ADGRE1: variants seen among roughly 807,000 people sequenced by gnomAD.
ADGRE1 encodes EGF-like module receptor 1.
Under a neutral mutation model 102.7 loss-of-function variants are expected in ADGRE1, and 82 were observed. That is an observed-to-expected ratio of 0.80 (90% CI 0.67 to 0.96). The LOEUF (loss-of-function observed/expected upper bound fraction) is 0.96, where lower values mean the gene tolerates loss of function less well. ADGRE1 is among the 40% of genes least tolerant of loss of function. The pLI, the probability that ADGRE1 is intolerant of heterozygous loss-of-function variation, is 0.00. For missense variants in ADGRE1, 1,032 were observed against 1,085.3 expected, an observed-to-expected ratio of 0.95 and a Z score of 0.69; for synonymous variants, 398 against 399.6, an observed-to-expected ratio of 1.00 and a Z score of 0.05.
chr19:6,890,478 C>T lies in ADGRE1; in HGVS notation c.32-3C>T, dbSNP rs750771913. ...ATGGTGTTTTTCTTTTCTTTCTTCA[C>T]AGGATGTTGTGTTATGCACAGCTGG... On this transcript the variant is annotated splice_polypyrimidine_tract_variant and splice_region_variant and intron_variant, in intron 1 of 20. Transcript: ENST00000312053. The T allele has an allele frequency of 8.1e-7, 1 of 1,230,308 alleles. No individual in the cohort carries two copies. Among genetic ancestry groups the T allele is most frequent in the Non-Finnish European group, 1.1e-6 (1 of 909,382 alleles). The allele number at this position is 1,230,308 out of a possible 1,614,324, so 76.2% of individuals were successfully genotyped here.
In ADGRE1 at chr19:6,923,071, C is replaced by T. The variant is rs924164235; in HGVS notation, c.1791+1188C>T. On this transcript the variant is annotated intron_variant, in intron 14 of 20. Transcript: ENST00000312053. ...CAGCCTGGGTGACAGAACCAGACTC[C>T]GTCTCAAAAAGAAAGAAAGTATCCT... 7.5e-5 allele frequency among the ~76,000 whole-genome samples: 11 copies of T among 147,142 alleles called. No individual in the cohort carries two copies. In the East Asian group the frequency reaches 8.0e-4, roughly 11 times the overall value.
intron 8 of ADGRE1, 68 bp from the exon 9 acceptor site, chr19:6,906,365 A>C: frequency 7.1e-7 from 1 of 1,412,840 alleles, no homozygotes; most frequent in Non-Finnish European, 9.9e-7. Flanking sequence ...ACATGAAATC[A>C]GACTTGAATT....
At chr19:6,897,108 A>G (rs1015291766) in intron 3 of ADGRE1, 41 bp from the exon 4 acceptor site, 4 of 1,316,048 alleles carry the variant, frequency 3.0e-6, no homozygotes, top group African/African-American at 2.1e-5. Context: ...ACAGTCTTCT[A>G]TCTAGTATAA....
At chr19:6,930,777 A>T (rs1452110452) in intron 17 of ADGRE1, among the ~76,000 whole-genome samples, 1 of 152,104 alleles carries the variant, frequency 6.6e-6, no homozygotes, top group Non-Finnish European at 1.5e-5. Context: ...AGCTGGGATT[A>T]CAGGTGTGCG....
At chr19:6,894,860 T>C (rs1418471319) in intron 2 of ADGRE1, 2 of 152,102 alleles carry the variant, frequency 1.3e-5, no homozygotes, top group East Asian at 3.9e-4. Context: ...GGAAGGGGGA[T>C]CAACAGGGCT....
Position 6,903,888 on chromosome 19 carries a change from A to T in ADGRE1, c.740A>T (p.His247Leu). Residue 247 changes from histidine (H) to leucine (L), a missense_variant, in exon 7 of 21, where the codon CAC becomes CTC. His to Leu is a moderately conservative substitution (Grantham distance 99). Coordinates refer to ENST00000312053, the MANE Select transcript of ADGRE1 (RefSeq NM_001974.5). ...CCTGGGAGCTACTTTTGCACCTGCC[A>T]CCCTGGCTTTGCACCAAGCAATGGA... ...NTPGSYFCTC[H>L]PGFAPSNGQL... 6.2e-7 allele frequency: 1 copy of T among 1,614,166 alleles called. No individual in the cohort carries two copies.
At chr19:6,891,529 C>G (rs1973373196) in intron 2 of ADGRE1, among the ~76,000 whole-genome samples, 1 of 151,714 alleles carries the variant, frequency 6.6e-6, no homozygotes, top group Non-Finnish European at 1.5e-5. Flanking sequence ...TCTCGGTTCA[C>G]TGCAAGCTCC....
intron 2 of ADGRE1, among the ~76,000 whole-genome samples, chr19:6,890,751 T>A (rs1973338484): frequency 6.6e-6 from 1 of 152,180 alleles, no homozygotes; most frequent in Admixed American, 6.6e-5. Flanking sequence ...ATAAGTCACA[T>A]AACCTCTCTG....
At chr19:6,889,208 G>T (rs966405973) in intron 1 of ADGRE1, among the ~76,000 whole-genome samples, 4 of 150,908 alleles carry the variant, frequency 2.7e-5, no homozygotes, top group African/African-American at 9.8e-5. Flanking sequence ...GATTATGGTG[G>T]TGATGATGAT....
At chr19:6,898,600 C>T in intron 5 of ADGRE1, 1 of 1,461,392 alleles carries the variant, frequency 6.8e-7, no homozygotes. Context: ...CAGTGAGTCC[C>T]TCACCAGCAG....
chr19:6,926,675 A>G (rs1974926108), intron 16 of ADGRE1, 74 bp downstream of exon 16: 2 of 1,479,394 alleles, frequency 1.4e-6, no homozygotes, highest in Admixed American at 1.7e-5. Context: ...AGCAACAAGA[A>G]GAGTAACAAC....
rs2144951936 is a variant in ADGRE1 at position 6,913,719 on chromosome 19, G to A, written c.1189G>A (p.Glu397Lys). Residue 397 changes from glutamate to lysine, a missense_variant, in exon 11 of 21, where the codon GAG (glutamate) becomes AAG (lysine). Coordinates refer to ENST00000312053, the MANE Select transcript of ADGRE1 (RefSeq NM_001974.5). ...CACGTGGACTAAATTCACCAAGGAA[G>A]AGACGTCCTCCCTGGCCACAGTCTT... Reference protein sequence around the residue: ...ISTWTKFTKEETSSLATVFLE... With the variant: ...ISTWTKFTKEKTSSLATVFLE... 2 of 1,613,508 alleles carry A rather than the reference G, an allele frequency of 1.2e-6. No homozygotes were observed. The highest frequency in any genetic ancestry group is 3.3e-4 in the Middle Eastern group (2 of 6,062).
At chr19:6,926,280 C>G (rs1974904911) in intron 15 of ADGRE1, 86 bp from the exon 16 acceptor site, 7 of 1,436,198 alleles carry the variant, frequency 4.9e-6, no homozygotes, top group South Asian at 1.2e-5. Flanking sequence ...TGGGGAATTT[C>G]CAGCCGAGGA....
At chr19:6,890,743 A>G (rs1458468975) in intron 2 of ADGRE1, among the ~76,000 whole-genome samples, 200 bp downstream of exon 2, 1 of 152,110 alleles carries the variant, frequency 6.6e-6, no homozygotes, top group African/African-American at 2.4e-5. Context: ...GATCTCAGAT[A>G]AGTCACATAA....
At chr19:6,912,633 C>T (rs1974246746) in intron 10 of ADGRE1, among the ~76,000 whole-genome samples, 1 of 152,144 alleles carries the variant, frequency 6.6e-6, no homozygotes, top group South Asian at 2.1e-4. Flanking sequence ...TGAACAGTGG[C>T]TCAGAGACCC....
chr19:6,923,867 A>G (rs1187383076), intron 14 of ADGRE1, among the ~76,000 whole-genome samples: 1 of 102,912 alleles, frequency 9.7e-6, no homozygotes, highest in Non-Finnish European at 2.1e-5. Context: ...CCACTTTGTG[A>G]CAATATCATA....
chr19:6,915,270 G>A (rs1479726410), intron 11 of ADGRE1, among the ~76,000 whole-genome samples: 1 of 152,140 alleles, frequency 6.6e-6, no homozygotes, highest in Non-Finnish European at 1.5e-5. Flanking sequence ...GCCTCCCAAA[G>A]TACTAGGATT....
chr19:6,924,277 A>G, intron 14 of ADGRE1, among the ~76,000 whole-genome samples: 1 of 152,042 alleles, frequency 6.6e-6, no homozygotes, highest in East Asian at 1.9e-4. Flanking sequence ...GAAATTGGGG[A>G]CTGGACAGTT....
Position 6,908,680 on chromosome 19 carries a change from G to A in ADGRE1, c.1039-9G>A. 6.7e-7 allele frequency: 1 copy of A among 1,497,632 alleles called. No homozygotes were observed. The highest frequency in any genetic ancestry group is 2.3e-5 in the Admixed American group (1 of 43,390). 92.8% of individuals were successfully genotyped at this position (1,497,632 alleles called of 1,614,324 possible). On this transcript the variant is annotated splice_polypyrimidine_tract_variant and intron_variant, in intron 9 of 20. Transcript: ENST00000312053. Reference sequence around the variant, plus strand: ...ACAAATGCTCTTTTTTTTTTTTTCTGGGACGCAGGTCTCCTTTTGTGCACA... The same window carrying A: ...ACAAATGCTCTTTTTTTTTTTTTCTAGGACGCAGGTCTCCTTTTGTGCACA...
Sources: gnomAD v4.1 joint callset for allele counts (sites outside exome capture counted in the v4.1 genomes callset) on GRCh38, gnomAD v4.1.1 for gene constraint, MANE v1.5 for transcripts, NCBI Gene and HGNC (gene_info 2026-07-23, HGNC 2026-07-21) for gene names.